The following SWAP70 variants were observed in gnomAD, a reference collection of about 807,000 sequenced individuals.
SWAP70 encodes switching B cell complex subunit SWAP70, also known as switch-associated protein 70.
Under a neutral mutation model 80.2 loss-of-function variants are expected in SWAP70, and 34 were observed. The observed-to-expected ratio is 0.42, with a 90% CI of 0.32 to 0.56. The LOEUF (loss-of-function observed/expected upper bound fraction) is 0.56, where lower values mean the gene tolerates loss of function less well. Among genes scored for constraint, SWAP70 ranks in the 20% least tolerant of loss-of-function variants. SWAP70 has a pLI of 0.09. For missense variants in SWAP70, 578 were observed against 690.7 expected (o/e 0.84, Z 1.83); for synonymous variants, 239 against 238.5 (o/e 1.00, Z -0.02).
At chr11:9,686,861 C>A (rs1850639824) in intron 1 of SWAP70, among the ~76,000 whole-genome samples, 1 of 152,066 alleles carries the variant, frequency 6.6e-6, no homozygotes, top group African/African-American at 2.4e-5. Context: ...GGTTACCTGC[C>A]CTGTCCCCCA....
In SWAP70 at chr11:9,749,195, T is replaced by C; in HGVS notation, c.1651+12T>C. On this transcript the variant is annotated intron_variant, in intron 11 of 11. Transcript: ENST00000318950. ...ACTGATAGAACCAGGTAACAGACTC[T>C]ATGAAGTAATCATATATTTATTTTT... 1 of 1,406,182 alleles carries C rather than the reference T, an allele frequency of 7.1e-7. No homozygotes were observed. 87.1% of individuals were successfully genotyped at this position (1,406,182 alleles called of 1,614,324 possible). A position where few individuals can be genotyped will look rare whatever the true frequency, so the allele number is the denominator to read the frequency against.
intron 9 of SWAP70, among the ~76,000 whole-genome samples, chr11:9,742,884 CTTTTTTT>C (rs56710904): frequency 7.1e-6 from 1 of 140,926 alleles, no homozygotes; most frequent in African/African-American, 2.6e-5. Flanking sequence ...CTTCTCACTC[CTTTTTTT>C]TTTTTTTTAA....
rs1316572149 is a variant in SWAP70 at position 9,725,556 on chromosome 11, TA to T, written c.642+672del. Among the ~76,000 whole-genome samples the T allele has an allele frequency of 6.0e-3, 68 of 11,384 alleles. 3 individuals carry two copies. The highest frequency in any genetic ancestry group is 0.015 in the African/African-American group (60 of 4,044). 7.5% of individuals were successfully genotyped at this position (11,384 alleles called of 152,430 possible). A position where few individuals can be genotyped will look rare whatever the true frequency, so the allele number is the denominator to read the frequency against. ...ATATATATATATATATATATATATA[TA>T]TATATATATATATTTTTTTTTTTTT... On this transcript the variant is annotated intron_variant, in intron 4 of 11. Transcript: ENST00000318950.
Position 9,724,651 on chromosome 11 carries a change from T to C in SWAP70, c.415-7T>C, listed in dbSNP as rs773641418. 1 of 1,596,206 alleles carries C rather than the reference T, an allele frequency of 6.3e-7. No homozygotes were observed. Among genetic ancestry groups the C allele is most frequent in the African/African-American group, 1.4e-5 (1 of 74,046 alleles). ...TAGGAAATAATTATTTCACATTCTT[T>C]ATGTAGATTGAATACCTGCTTAAGA... is the stretch of plus-strand genomic sequence containing the variant. On this transcript the variant is annotated splice_region_variant and splice_polypyrimidine_tract_variant and intron_variant, in intron 3 of 11. Coordinates refer to ENST00000318950, the MANE Select transcript of SWAP70 (RefSeq NM_015055.4).
intron 6 of SWAP70, among the ~76,000 whole-genome samples, chr11:9,730,725 T>C (rs987229875): frequency 6.6e-6 from 1 of 152,214 alleles, no homozygotes; most frequent in African/African-American, 2.4e-5. Flanking sequence ...AAGAAATCAC[T>C]AGTTTTGGGT....
intron 1 of SWAP70, among the ~76,000 whole-genome samples, chr11:9,686,608 C>T (rs1398931122): frequency 6.6e-6 from 1 of 152,020 alleles, no homozygotes; most frequent in Non-Finnish European, 1.5e-5. Context: ...CTTGGCCTCC[C>T]TCAGTGCTGG....
intron 3 of SWAP70, among the ~76,000 whole-genome samples, chr11:9,719,200 T>C (rs956030120): frequency 2.6e-5 from 4 of 151,540 alleles, no homozygotes; most frequent in African/African-American, 9.7e-5. Flanking sequence ...AGCTCAGGAA[T>C]TCGAGACCAG....
At chr11:9,695,983 A>G (rs1850752759) in intron 2 of SWAP70, among the ~76,000 whole-genome samples, 1 of 151,862 alleles carries the variant, frequency 6.6e-6, no homozygotes, top group African/African-American at 2.4e-5. Context: ...TTTTGTAGAG[A>G]CGGGGCTTTG....
chr11:9,727,961 C>A, intron 4 of SWAP70, 92 bp from the exon 5 acceptor site: 1 of 1,226,494 alleles, frequency 8.2e-7, no homozygotes, highest in South Asian at 1.7e-5. Flanking sequence ...GATCATATAT[C>A]AAATAATGGA....
chr11:9,744,584 A>G (rs1292000996), intron 9 of SWAP70, among the ~76,000 whole-genome samples: 1 of 152,200 alleles, frequency 6.6e-6, no homozygotes, highest in Non-Finnish European at 1.5e-5. Context: ...ATGAGAACTC[A>G]GAAGAAAACT....
chr11:9,671,588 ATATATAAATATATT>A (rs1565109609), intron 1 of SWAP70, among the ~76,000 whole-genome samples: 452 of 43,934 alleles, frequency 0.01, 8 homozygotes, highest in African/African-American at 0.025. Context: ...ATATATTTCT[ATATATAAATATATT>A]TATATAGAAA....
intron 9 of SWAP70, among the ~76,000 whole-genome samples, chr11:9,743,145 C>T (rs56294870): frequency 0.096 from 13,914 of 144,666 alleles, 1,599 homozygotes; most frequent in East Asian, 0.28. Context: ...TGAGAATATG[C>T]GGTGTTTGGT....
chr11:9,676,388 C>G (rs950560324), intron 1 of SWAP70, among the ~76,000 whole-genome samples: 13 of 152,124 alleles, frequency 8.5e-5, no homozygotes, highest in African/African-American at 2.9e-4. Context: ...TTTGTTTGTA[C>G]AGTTTGTCCC....
intron 1 of SWAP70, among the ~76,000 whole-genome samples, chr11:9,676,932 C>T (rs1590012000): frequency 1.3e-5 from 2 of 152,002 alleles, no homozygotes; most frequent in Non-Finnish European, 2.9e-5. Context: ...GGATTACAGG[C>T]GTGAGCCACT....
At chr11:9,708,937 C>G (rs1381707798) in intron 2 of SWAP70, among the ~76,000 whole-genome samples, 1 of 152,052 alleles carries the variant, frequency 6.6e-6, no homozygotes, top group Non-Finnish European at 1.5e-5. Context: ...GCTCTGTCAC[C>G]CAGACTAGAG....
At chr11:9,667,384 A>G (rs1850321526) in intron 1 of SWAP70, among the ~76,000 whole-genome samples, 1 of 151,874 alleles carries the variant, frequency 6.6e-6, no homozygotes, top group South Asian at 2.1e-4. Context: ...CCAAGTAGCT[A>G]GGCTCACAGG....
At chr11:9,728,274 C>T (rs1441405062) in intron 5 of SWAP70, 75 bp downstream of exon 5, 2 of 1,376,658 alleles carry the variant, frequency 1.5e-6, no homozygotes, top group Non-Finnish European at 1.9e-6. Flanking sequence ...TCACCTTCTT[C>T]CACCTAGACT....
In SWAP70 at chr11:9,724,583, G is replaced by A. The variant is rs1275430611; in HGVS notation, c.415-75G>A. 4.5e-6 allele frequency: 5 copies of A among 1,121,800 alleles called. No individual in the cohort carries two copies. In the South Asian group the frequency reaches 6.3e-5, roughly 14 times the overall value. 69.5% of individuals were successfully genotyped at this position (1,121,800 alleles called of 1,614,324 possible). The stretch of plus-strand genomic sequence containing the variant: ...TATTTCCTAAGTTGAACTTATCAGT[G>A]TTTATAACATAAATACATAACTATG... On this transcript the variant is annotated intron_variant, in intron 3 of 11. Coordinates refer to ENST00000318950, the MANE Select transcript of SWAP70 (RefSeq NM_015055.4).
intron 1 of SWAP70, among the ~76,000 whole-genome samples, chr11:9,688,307 A>G (rs1005577142): frequency 3.3e-5 from 5 of 152,196 alleles, no homozygotes; most frequent in African/African-American, 4.8e-5. Context: ...GGAGAGAGAA[A>G]TCATGTGTGG....
Sources: allele counts gnomAD v4.1 joint callset (sites outside exome capture counted in the v4.1 genomes callset), GRCh38; gene constraint gnomAD v4.1.1; transcripts MANE v1.5; gene names NCBI Gene and HGNC (gene_info 2026-07-23, HGNC 2026-07-21).